Variants in ZNF652 observed in about 807,000 individuals in gnomAD.
ZNF652 encodes zinc finger protein 652.
ZNF652 carries 16 observed loss-of-function variants against 45.2 expected under a neutral mutation model. That is an observed-to-expected ratio of 0.35 (90% CI 0.24 to 0.54). The LOEUF (loss-of-function observed/expected upper bound fraction) is 0.54. Ranked by LOEUF, ZNF652 falls within the 20% of genes least tolerant of loss-of-function variation. The pLI is 0.91. For missense variants in ZNF652, 614 were observed against 765.6 expected, an observed-to-expected ratio of 0.80 and a Z score of 2.34; for synonymous variants, 250 against 260.6, an observed-to-expected ratio of 0.96 and a Z score of 0.39.
intron 5 of ZNF652, among the ~76,000 whole-genome samples, chr17:49,303,247 C>CTTTTTTTTTTTTTTTTTTTTTTTTTT (rs779042339): frequency 8.2e-6 from 1 of 121,786 alleles, no homozygotes; most frequent in Non-Finnish European, 1.6e-5. Context: ...TTACGCTTAT[C>CTTTTTTTTTTTTTTTTTTTTTTTTTT]TTTTTTTTTT....
rs1435489354 is a variant in ZNF652, at chr17:49,361,928, C to T, written c.-278G>A. On this transcript the variant is annotated 5_prime_UTR_variant, in exon 1 of 6. Coordinates refer to ENST00000430262, the MANE Select transcript of ZNF652 (RefSeq NM_001145365.3). ...ACTCACCCGGGCCGGCCGCCTCCGC[C>T]TCCGCCGCCCCGGCCGCCGCCTCGG... The T allele has an allele frequency of 6.6e-6, 1 of 150,612 alleles. No homozygotes were observed. Among genetic ancestry groups the T allele is most frequent in the Non-Finnish European group, 1.5e-5 (1 of 67,638 alleles). The allele number at this position is 150,612 out of a possible 1,614,324, so 9.3% of individuals were successfully genotyped here.
In ZNF652 at chr17:49,317,471, T is replaced by C. The variant is rs141101148; in HGVS notation, c.255A>G (p.Arg85=). The change falls in exon 2 of 6, where the codon AGA becomes AGG. Residue 85 remains arginine (R), a synonymous_variant. Coordinates refer to ENST00000430262, the MANE Select transcript of ZNF652 (RefSeq NM_001145365.3). ...TEEQPYFRET[R]AVSDVHAVKE... The stretch of plus-strand genomic sequence containing the variant: ...TAACAGCATGCACGTCAGACACTGC[T>C]CTTGTCTCCCTGAAATATGGCTGTT... 2.5e-6 allele frequency: 4 copies of C among 1,614,192 alleles called. No homozygotes were observed. Among genetic ancestry groups the C allele is most frequent in the Non-Finnish European group, 2.5e-6 (3 of 1,180,032 alleles).
At chr17:49,351,181 C>A (rs968653588) in intron 1 of ZNF652, among the ~76,000 whole-genome samples, 12 of 151,596 alleles carry the variant, frequency 7.9e-5, no homozygotes, top group Admixed American at 6.6e-4. Context: ...CATACAAACA[C>A]GTGTAAGTAT....
intron 1 of ZNF652, among the ~76,000 whole-genome samples, chr17:49,360,290 C>A (rs2070379012): frequency 6.6e-6 from 1 of 152,114 alleles, no homozygotes; most frequent in Non-Finnish European, 1.5e-5. Flanking sequence ...AAACACACAA[C>A]GCAAGTTCCT....
At chr17:49,334,959 TGGGAGTA>T (rs1424331413) in intron 1 of ZNF652, among the ~76,000 whole-genome samples, 1 of 151,830 alleles carries the variant, frequency 6.6e-6, no homozygotes, top group Admixed American at 6.6e-5. Context: ...TAACAGGAGC[TGGGAGTA>T]GGGAGGAGGG....
At chr17:49,338,930 A>G (rs2070113172) in intron 1 of ZNF652, among the ~76,000 whole-genome samples, 1 of 152,128 alleles carries the variant, frequency 6.6e-6, no homozygotes, top group East Asian at 1.9e-4. Context: ...GAGAAAAATG[A>G]CCACTGAATT....
chr17:49,307,534 G>C (rs2069648289), intron 5 of ZNF652, among the ~76,000 whole-genome samples: 1 of 145,644 alleles, frequency 6.9e-6, no homozygotes, highest in Non-Finnish European at 1.5e-5. Flanking sequence ...GAGGTCAGGA[G>C]TTCAAGACCA....
In ZNF652 at chr17:49,317,301, T is replaced by A. The variant is rs761172301; in HGVS notation, c.425A>T (p.Lys142Ile). The change falls in exon 2 of 6, where the codon AAA (lysine) becomes ATA (isoleucine). Residue 142 changes from lysine to isoleucine, a missense_variant. This residue lies in a region of ZNF652 where 262 missense variants were observed against 306.3 expected (regional missense o/e 0.86). Coordinates refer to ENST00000430262, the MANE Select transcript of ZNF652 (RefSeq NM_001145365.3). ...KGEKGVSSQS[K>I]ETPVLKTSSE... ...GCTTGTCTTAAGAACAGGAGTCTCT[T>A]TGGACTGAGAAGAGACACCCTTTTC... The A allele has an allele frequency of 1.9e-6, 3 of 1,613,106 alleles. No individual in the cohort carries two copies. Among genetic ancestry groups the A allele is most frequent in the Non-Finnish European group, 1.7e-6 (2 of 1,180,018 alleles).
intron 1 of ZNF652, among the ~76,000 whole-genome samples, chr17:49,358,656 C>T (rs577913391): frequency 7.9e-5 from 12 of 152,280 alleles, no homozygotes; most frequent in African/African-American, 2.9e-4. Context: ...ACATCAGTAG[C>T]ATTACTAATC....
At chr17:49,359,841 T>G (rs762552830) in intron 1 of ZNF652, among the ~76,000 whole-genome samples, 1 of 152,010 alleles carries the variant, frequency 6.6e-6, no homozygotes, top group African/African-American at 2.4e-5. Context: ...CATTAAGACA[T>G]GAAATCACAG....
In ZNF652 at chr17:49,298,147, G is replaced by A; in HGVS notation, c.*266C>T. 2.1e-6 allele frequency: 1 copy of A among 483,666 alleles called. No homozygotes were observed. 30.0% of individuals were successfully genotyped at this position (483,666 alleles called of 1,614,324 possible). On this transcript the variant is annotated 3_prime_UTR_variant, in exon 6 of 6. Transcript: ENST00000430262. ...AAATTATAAAATTCCACAAGTCTGA[G>A]TATTTGAAACTTATAAAAGTCATCA...
At chr17:49,301,227 G>C (rs2069547901) in intron 5 of ZNF652, among the ~76,000 whole-genome samples, 1 of 152,198 alleles carries the variant, frequency 6.6e-6, no homozygotes, top group East Asian at 1.9e-4. Flanking sequence ...TCACTTTCCT[G>C]AGAGACTGAA....
rs2069477461 is a variant in ZNF652, at chr17:49,296,370, G to C, written c.*2043C>G. On this transcript the variant is annotated 3_prime_UTR_variant, in exon 6 of 6. Coordinates refer to ENST00000430262, the MANE Select transcript of ZNF652 (RefSeq NM_001145365.3). ...GAAACACTAAACCAAAAAGCCAATAGAGAACGTGATGTTTGAAAAATATGG... is the reference window on the plus strand; with the variant it reads ...GAAACACTAAACCAAAAAGCCAATACAGAACGTGATGTTTGAAAAATATGG... 1 of 152,546 alleles carries C rather than the reference G, an allele frequency of 6.6e-6. No homozygotes were observed. Among genetic ancestry groups the C allele is most frequent in the Non-Finnish European group, 1.5e-5 (1 of 68,008 alleles). The allele number at this position is 152,546 out of a possible 1,614,324, so 9.4% of individuals were successfully genotyped here. A position where few individuals can be genotyped will look rare whatever the true frequency, so the allele number is the denominator to read the frequency against.
At chr17:49,326,361 AAAG>A (rs1407661082) in intron 1 of ZNF652, among the ~76,000 whole-genome samples, 1 of 152,164 alleles carries the variant, frequency 6.6e-6, no homozygotes, top group Non-Finnish European at 1.5e-5. Flanking sequence ...TATACTGCCA[AAAG>A]AACAACCAGC....
chr17:49,356,436 A>AAAC (rs2070337713), intron 1 of ZNF652, among the ~76,000 whole-genome samples: 1 of 134,042 alleles, frequency 7.5e-6, no homozygotes, highest in Admixed American at 7.4e-5. Flanking sequence ...CTGCAAAAAA[A>AAAC]AAAAAAAAAA....
At chr17:49,351,014 T>TATATATACACAC (rs2070273379) in intron 1 of ZNF652, among the ~76,000 whole-genome samples, 5 of 29,724 alleles carry the variant, frequency 1.7e-4, no homozygotes, top group East Asian at 8.1e-4. Flanking sequence ...TATATATATA[T>TATATATACACAC]ACACACACAC....
chr17:49,315,847 A>T (rs2069796138), intron 2 of ZNF652, among the ~76,000 whole-genome samples: 1 of 152,228 alleles, frequency 6.6e-6, no homozygotes, highest in Non-Finnish European at 1.5e-5. Context: ...CCATTTTTTA[A>T]AACTCTTTAA....
chr17:49,342,714 A>G (rs544878344), intron 1 of ZNF652, among the ~76,000 whole-genome samples: 1 of 152,256 alleles, frequency 6.6e-6, no homozygotes, highest in South Asian at 2.1e-4. Flanking sequence ...TCAAGGCTGA[A>G]CTATAGAACA....
intron 5 of ZNF652, among the ~76,000 whole-genome samples, chr17:49,302,069 T>G (rs1052850073): frequency 1.3e-5 from 2 of 151,956 alleles, no homozygotes; most frequent in Non-Finnish European, 2.9e-5. Flanking sequence ...CTGGGCAACA[T>G]GGTAAGACCC....
Sources: gnomAD v4.1 joint callset for allele counts (sites outside exome capture counted in the v4.1 genomes callset) on GRCh38, gnomAD v4.1.1 for gene constraint, gnomAD v4.1.1 regional missense constraint, MANE v1.5 for transcripts, NCBI Gene and HGNC (gene_info 2026-07-23, HGNC 2026-07-21) for gene names.